Variants in NIT2 observed in about 807,000 individuals in gnomAD.
The protein encoded by NIT2 is omega-amidase NIT2.
A neutral mutation model predicts 42.7 loss-of-function variants in NIT2; 46 were observed. The observed-to-expected ratio is 1.08, with a 90% CI of 0.85 to 1.38. The LOEUF (loss-of-function observed/expected upper bound fraction) is 1.38, where lower values mean the gene tolerates loss of function less well. Among genes scored for constraint, NIT2 ranks in the 40% most tolerant of loss-of-function variants. The probability of loss-of-function intolerance (pLI) is 0.00; values close to 1 mark genes in which losing one functional copy is unlikely to be tolerated. For missense variants in NIT2, 309 were observed against 342.5 expected, an observed-to-expected ratio of 0.90 and a Z score of 0.77; for synonymous variants, 123 against 121.9, an observed-to-expected ratio of 1.01 and a Z score of -0.06.
At position 100,357,394 on chromosome 3, in the gene NIT2, C is replaced by T. The variant is rs1458748491; in HGVS notation, c.*2126C>T. On this transcript the variant is annotated 3_prime_UTR_variant, in exon 10 of 10. Coordinates refer to ENST00000394140, the MANE Select transcript of NIT2 (RefSeq NM_020202.5). The stretch of plus-strand genomic sequence containing the variant: ...ATAGAAAGTCTTACTGTAAAGCCCA[C>T]ATCTGTATAAAAAAATGAAAGAATG... 6.6e-6 allele frequency: 1 copy of T among 152,092 alleles called. No homozygotes were observed. The highest frequency in any genetic ancestry group is 2.4e-5 in the African/African-American group (1 of 41,406). The allele number at this position is 152,092 out of a possible 1,614,324, so 9.4% of individuals were successfully genotyped here.
intron 8 of NIT2, among the ~76,000 whole-genome samples, chr3:100,353,181 C>T (rs925803199): frequency 1.3e-5 from 2 of 152,168 alleles, no homozygotes; most frequent in African/African-American, 4.8e-5. Context: ...ACTGGAATTC[C>T]AGATGTAGCG....
At chr3:100,349,390 G>T (rs1706252362) in intron 7 of NIT2, 2 of 152,868 alleles carry the variant, frequency 1.3e-5, no homozygotes, top group African/African-American at 4.8e-5. Context: ...TGGGATTACA[G>T]GTGTGAGCCC....
Position 100,358,859 on chromosome 3 carries a change from A to G in NIT2, c.*3591A>G, listed in dbSNP as rs997920315. On this transcript the variant is annotated 3_prime_UTR_variant, in exon 10 of 10. Transcript: ENST00000394140. ...GCACTGGTTTTAAGTCTTTTGTGCT[A>G]CTTTTTAGGCATTGCTGTGTAAGTT... 1 of 152,186 alleles carries G rather than the reference A, an allele frequency of 6.6e-6. No homozygotes were observed. Among genetic ancestry groups the G allele is most frequent in the Non-Finnish European group, 1.5e-5 (1 of 68,032 alleles). The allele number at this position is 152,186 out of a possible 1,614,324, so 9.4% of individuals were successfully genotyped here.
chr3:100,339,947 C>A lies in NIT2; in HGVS notation c.247+12C>A. On this transcript the variant is annotated intron_variant, in intron 3 of 9. Coordinates refer to ENST00000394140, the MANE Select transcript of NIT2 (RefSeq NM_020202.5). ...ATATCTCATTGGAGGTAACTTCCTA[C>A]CCACAAGGTATAATGACCTAAACAT... 1.9e-6 allele frequency: 3 copies of A among 1,609,042 alleles called. No homozygotes were observed. The highest frequency in any genetic ancestry group is 2.5e-6 in the Non-Finnish European group (3 of 1,177,460).
At position 100,339,698 on chromosome 3, in the gene NIT2, T is replaced by A. The variant is rs143584908; in HGVS notation, c.127-117T>A. ...ATGTCAGTGTTTTTCTTATTAGCTG[T>A]GTTTTAACCCTTCGACTGAAAGCAG... On this transcript the variant is annotated intron_variant, in intron 2 of 9. Transcript: ENST00000394140. 4.2e-4 allele frequency: 401 copies of A among 962,140 alleles called. 5 individuals carry two copies. In the East Asian group the frequency reaches 1.0e-2, roughly 24 times the overall value. The allele number at this position is 962,140 out of a possible 1,614,324, so 59.6% of individuals were successfully genotyped here.
chr3:100,341,290 G>C (rs1412342461), intron 4 of NIT2, 129 bp downstream of exon 4: 1 of 635,846 alleles, frequency 1.6e-6, no homozygotes, highest in African/African-American at 1.8e-5. Context: ...TTGACTGATT[G>C]GCACAGGTGG....
chr3:100,348,890 G>A lies in NIT2; in HGVS notation c.584+9G>A. 1 of 1,612,624 alleles carries A rather than the reference G, an allele frequency of 6.2e-7. No individual in the cohort carries two copies. The highest frequency in any genetic ancestry group is 1.1e-5 in the South Asian group (1 of 91,044). ...TTACTTCAGCGAAGCCGGTAAGAAA[G>A]GAACCATATATTCAAGCCTCTCGGC... On this transcript the variant is annotated intron_variant, in intron 7 of 9. Coordinates refer to ENST00000394140, the MANE Select transcript of NIT2 (RefSeq NM_020202.5).
At chr3:100,346,318 G>A in intron 6 of NIT2, 63 bp downstream of exon 6, 1 of 1,438,554 alleles carries the variant, frequency 7.0e-7, no homozygotes, top group Non-Finnish European at 9.7e-7. Flanking sequence ...GCTGGTCTAT[G>A]TGGGATCCTT....
At chr3:100,354,709 C>G in intron 8 of NIT2, 63 bp from the exon 9 acceptor site, 1 of 1,354,400 alleles carries the variant, frequency 7.4e-7, no homozygotes, top group African/African-American at 1.5e-5. Flanking sequence ...GAGGAAAAAA[C>G]AGAGACCTTG....
At chr3:100,335,523 TCTC>T (rs1162556510) in intron 1 of NIT2, among the ~76,000 whole-genome samples, 3 of 152,288 alleles carry the variant, frequency 2.0e-5, no homozygotes, top group Non-Finnish European at 4.4e-5. Flanking sequence ...GTGACGGGCG[TCTC>T]CTCCTCAGCA....
rs1300829567 is a variant in NIT2, at chr3:100,340,523, G to A, written c.248-550G>A. Among the ~76,000 whole-genome samples the A allele has an allele frequency of 2.0e-5, 3 of 152,230 alleles. No individual in the cohort carries two copies. In the East Asian group the frequency reaches 5.8e-4, roughly 29 times the overall value. Reference sequence around the variant, plus strand: ...AACACAGAAAAATTCTATAAATATAGCAAATACAATTTTTTCTGTATGATG... The same window carrying A: ...AACACAGAAAAATTCTATAAATATAACAAATACAATTTTTTCTGTATGATG... On this transcript the variant is annotated intron_variant, in intron 3 of 9. Transcript: ENST00000394140.
intron 1 of NIT2, chr3:100,335,079 G>T (rs1454332883): frequency 2.1e-6 from 1 of 485,326 alleles, no homozygotes; most frequent in Non-Finnish European, 3.9e-6. Context: ...AGAGGCTGAT[G>T]GACGTGTATT....
chr3:100,346,017 G>T (rs1706212927), intron 5 of NIT2, 164 bp from the exon 6 acceptor site: 1 of 620,424 alleles, frequency 1.6e-6, no homozygotes, highest in African/African-American at 1.8e-5. Flanking sequence ...TTTATGAGAT[G>T]AAGTCCAAGT....
chr3:100,354,921 T>TAAAGGAACCCC, intron 9 of NIT2, 94 bp downstream of exon 9: 1 of 1,044,748 alleles, frequency 9.6e-7, no homozygotes, highest in Non-Finnish European at 1.5e-6. Context: ...TTTGGAGGGG[T>TAAAGGAACCCC]TCCTTTATGC....
At chr3:100,336,627 T>C (rs1183928755) in intron 1 of NIT2, among the ~76,000 whole-genome samples, 1 of 152,186 alleles carries the variant, frequency 6.6e-6, no homozygotes, top group Non-Finnish European at 1.5e-5. Context: ...AATTAAGTGC[T>C]GTGCTTTAGA....
Position 100,341,599 on chromosome 3 carries a change from A to C in NIT2, c.336+438A>C, listed in dbSNP as rs1346052130. ...TAGCCAGGATGGTCTCAATCTCCTG[A>C]CCTCATGATCCACCCGCCTCAGCCT... On this transcript the variant is annotated intron_variant, in intron 4 of 9. Coordinates refer to ENST00000394140, the MANE Select transcript of NIT2 (RefSeq NM_020202.5). Among the ~76,000 whole-genome samples, 9 of 151,830 alleles carry C rather than the reference A, an allele frequency of 5.9e-5. No homozygotes were observed. In the East Asian group the frequency reaches 1.8e-3, roughly 30 times the overall value.
At chr3:100,343,467 T>C (rs1576200133) in intron 4 of NIT2, among the ~76,000 whole-genome samples, 1 of 152,158 alleles carries the variant, frequency 6.6e-6, no homozygotes, top group Non-Finnish European at 1.5e-5. Context: ...GTTTCTTCTG[T>C]CTTCTTCAAT....
Position 100,339,146 on chromosome 3 carries a change from C to T in NIT2, c.67C>T (p.Arg23Cys), listed in dbSNP as rs373731645. ...ISSIKSDNVT[R>C]ACSFIREAAT... The stretch of plus-strand genomic sequence containing the variant: ...TTCCATCAAATCAGATAACGTCACT[C>T]GCGCTTGTAGCTTCATCCGGGAGGC... Residue 23 changes from arginine (R) to cysteine (C), a missense_variant, in exon 2 of 10, where the codon CGC becomes TGC. Physicochemically the swap from Arg to Cys is radical, Grantham distance 180 (BLOSUM62 -3). Transcript: ENST00000394140. 71 of 1,613,932 alleles carry T rather than the reference C, an allele frequency of 4.4e-5. No homozygotes were observed. In the African/African-American group the frequency reaches 8.0e-4, roughly 18 times the overall value.
At position 100,354,778 on chromosome 3, in the gene NIT2, G is replaced by A. The variant is rs1349122966; in HGVS notation, c.690G>A (p.Glu230=). 6 of 1,607,700 alleles carry A rather than the reference G, an allele frequency of 3.7e-6. No homozygotes were observed. The highest frequency in any genetic ancestry group is 5.1e-6 in the Non-Finnish European group (6 of 1,176,906). Residue 230 remains glutamate, a synonymous_variant, in exon 9 of 10, where the codon GAG becomes GAA. Coordinates refer to ENST00000394140, the MANE Select transcript of NIT2 (RefSeq NM_020202.5). The part of the protein sequence containing the change: ...GHSTVVNPWG[E]VLAKAGTEEA... ...TCTTCTGCATCTTTTTCAGGGGGGA[G>A]GTTCTAGCCAAAGCTGGCACAGAAG...
Sources: gnomAD v4.1 joint callset for allele counts (sites outside exome capture counted in the v4.1 genomes callset) on GRCh38, gnomAD v4.1.1 for gene constraint, MANE v1.5 for transcripts, NCBI Gene and HGNC (gene_info 2026-07-23, HGNC 2026-07-21) for gene names.